Variants in EPC1 observed in about 807,000 individuals in gnomAD.
The protein encoded by EPC1 is enhancer of polycomb 1.
In EPC1, 12 loss-of-function variants were observed where a neutral mutation model predicts 98.4. That is an observed-to-expected ratio of 0.12 (90% CI 0.08 to 0.20). The LOEUF (loss-of-function observed/expected upper bound fraction) is 0.20. EPC1 is among the 10% of genes least tolerant of loss of function. EPC1 has a pLI of 1.00. For synonymous variants in EPC1, 357 were observed against 363.9 expected (o/e 0.98, Z 0.21); for missense variants, 729 against 990.5 (o/e 0.74, Z 3.54).
At chr10:32,294,747 A>G (rs1436556403) in intron 2 of EPC1, among the ~76,000 whole-genome samples, 1 of 152,248 alleles carries the variant, frequency 6.6e-6, no homozygotes, top group East Asian at 1.9e-4. Flanking sequence ...TAGCTTTAAT[A>G]TAAAAATTTG....
At chr10:32,350,668 A>G (rs1033259050), upstream of EPC1, among the ~76,000 whole-genome samples, 2 of 152,316 alleles carry the variant, frequency 1.3e-5, no homozygotes, top group South Asian at 4.1e-4. Flanking sequence ...GTAAAGAGAC[A>G]TGAGTTTTCA....
chr10:32,351,583 G>A (rs1390328477), upstream of EPC1, among the ~76,000 whole-genome samples: 5 of 151,598 alleles, frequency 3.3e-5, no homozygotes, highest in South Asian at 2.1e-4. Context: ...GCTTTAACCC[G>A]GGAGGTGGAG....
chr10:32,347,271 TCCCGCCAACC>T (rs999238182), upstream of EPC1: 4 of 1,049,128 alleles, frequency 3.8e-6, no homozygotes, highest in Admixed American at 9.6e-5. Context: ...GAAGCGCGCG[TCCCGCCAACC>T]CCCGGCACCC....
chr10:32,300,121 T>C (rs182220337), intron 2 of EPC1, among the ~76,000 whole-genome samples: 66 of 152,146 alleles, frequency 4.3e-4, no homozygotes, highest in African/African-American at 1.0e-3. Context: ...CTGTGTTAGC[T>C]AGGATGGTCT....
At chr10:32,368,652 TAACA>T (rs1839667319) in intron 1 of EPC1, among the ~76,000 whole-genome samples, 1 of 152,208 alleles carries the variant, frequency 6.6e-6, no homozygotes, top group South Asian at 2.1e-4. Flanking sequence ...CTCATTGACT[TAACA>T]GAGTACTTGG....
rs779091640 is a variant in EPC1, at chr10:32,287,288, A to G, written c.976-14T>C. 1 of 1,613,074 alleles carries G rather than the reference A, an allele frequency of 6.2e-7. No homozygotes were observed. Among genetic ancestry groups the G allele is most frequent in the East Asian group, 2.2e-5 (1 of 44,864 alleles). ...GGCTTTATCTTGCTGCAACAAAGAC[A>G]TGAATTAATTATACACCAGAAACCA... On this transcript the variant is annotated splice_polypyrimidine_tract_variant and intron_variant, in intron 6 of 13. Transcript: ENST00000319778.
chr10:32,278,054 G>A (rs1397170667), intron 10 of EPC1, among the ~76,000 whole-genome samples: 1 of 152,156 alleles, frequency 6.6e-6, no homozygotes, highest in Non-Finnish European at 1.5e-5. Context: ...ACATTCAGCC[G>A]TGAAAGATGG....
At chr10:32,269,624 T>C (rs1592526216) in intron 13 of EPC1, 1 of 152,610 alleles carries the variant, frequency 6.6e-6, no homozygotes, top group South Asian at 2.1e-4. Context: ...TGCGTCTCAG[T>C]TTCTTCATCT....
intron 1 of EPC1, among the ~76,000 whole-genome samples, chr10:32,338,376 C>T (rs1838107937): frequency 6.6e-6 from 1 of 152,216 alleles, no homozygotes; most frequent in Non-Finnish European, 1.5e-5. Flanking sequence ...CCACCATCAT[C>T]ACTCTTGCCC....
chr10:32,338,595 T>A (rs1413185789), intron 1 of EPC1, among the ~76,000 whole-genome samples: 6 of 152,200 alleles, frequency 3.9e-5, no homozygotes, highest in Admixed American at 2.6e-4. Context: ...CACTCTGCTC[T>A]GAGTACAATG....
At chr10:32,271,979 A>G (rs1299546249) in intron 12 of EPC1, 47 bp downstream of exon 12, 1 of 1,598,332 alleles carries the variant, frequency 6.3e-7, no homozygotes, top group South Asian at 1.1e-5. Context: ...TATTATAGAT[A>G]TATGTTATAA....
chr10:32,292,321 G>A lies in EPC1; in HGVS notation c.815+175C>T, dbSNP rs544365500. 4.9e-3 allele frequency: 2,123 copies of A among 431,326 alleles called. 10 individuals carry two copies. Among genetic ancestry groups the A allele is most frequent in the Middle Eastern group, 7.9e-3 (12 of 1,512 alleles). The allele number at this position is 431,326 out of a possible 1,614,324, so 26.7% of individuals were successfully genotyped here. On this transcript the variant is annotated intron_variant, in intron 5 of 13. Coordinates refer to ENST00000319778, the MANE Select transcript of EPC1 (RefSeq NM_001272004.3). ...TTAAGTGAATCCAGTCACTTTTAAA[G>A]AAAATAGAGGAAAACATGTAAAAGT...
At chr10:32,374,760 T>C (rs1007971768) in intron 1 of EPC1, among the ~76,000 whole-genome samples, 1 of 152,160 alleles carries the variant, frequency 6.6e-6, no homozygotes, top group Non-Finnish European at 1.5e-5. Flanking sequence ...TCTAACCACA[T>C]TGGAGTGTAG....
intron 10 of EPC1, chr10:32,283,513 T>TCTCTACATCA (rs1382520802): frequency 2.6e-5 from 4 of 152,384 alleles, no homozygotes; most frequent in Non-Finnish European, 4.4e-5. Flanking sequence ...TTCACCATGT[T>TCTCTACATCA]GCCCAGGCTG....
chr10:32,304,918 T>TAAAAAAAAAAAA (rs11351207), intron 2 of EPC1, among the ~76,000 whole-genome samples: 1 of 119,436 alleles, frequency 8.4e-6, no homozygotes, highest in Non-Finnish European at 1.7e-5. Flanking sequence ...AACTCCGTCT[T>TAAAAAAAAAAAA]AAAAAAAAAA....
intron 1 of EPC1, among the ~76,000 whole-genome samples, chr10:32,357,283 G>T (rs1224795009): frequency 6.6e-6 from 1 of 152,160 alleles, no homozygotes. Context: ...CAGATCTTAA[G>T]ATTTCTTCTG....
At chr10:32,352,042 AT>A (rs35657158), upstream of EPC1, among the ~76,000 whole-genome samples, 14,302 of 93,420 alleles carry the variant, frequency 0.15, 774 homozygotes, top group South Asian at 0.32. Context: ...AGCCATATTG[AT>A]TTTTTTTTTT....
intron 1 of EPC1, among the ~76,000 whole-genome samples, chr10:32,352,242 T>A (rs989258751): frequency 1.3e-5 from 2 of 150,526 alleles, no homozygotes; most frequent in African/African-American, 4.9e-5. Context: ...AGAGATGGGG[T>A]TTCACTGTGT....
At chr10:32,308,904 C>T (rs2505416) in intron 1 of EPC1, among the ~76,000 whole-genome samples, 129,835 of 152,180 alleles carry the variant, frequency 0.85, 55,477 homozygotes, top group East Asian at 0.96. Flanking sequence ...AACAGATAAA[C>T]GGATAAAGGA....
Sources: gnomAD v4.1 joint callset for allele counts (sites outside exome capture counted in the v4.1 genomes callset) on GRCh38, gnomAD v4.1.1 for gene constraint, MANE v1.5 for transcripts, NCBI Gene and HGNC (gene_info 2026-07-23, HGNC 2026-07-21) for gene names.